Variants in FLVCR1 observed in about 807,000 individuals in gnomAD.
The protein encoded by FLVCR1 is FLVCR choline and heme transporter 1, also known as choline/ethanolamine transporter FLVCR1.
Under a neutral mutation model 53.6 loss-of-function variants are expected in FLVCR1, and 34 were observed. The ratio of observed to expected loss-of-function variants is 0.63; its 90% CI spans 0.48 to 0.84. The LOEUF (loss-of-function observed/expected upper bound fraction) is 0.84, where lower values mean the gene tolerates loss of function less well. Ranked by LOEUF, FLVCR1 falls within the 40% of genes least tolerant of loss-of-function variation. The pLI is 0.00. For synonymous variants in FLVCR1, 300 were observed against 286.3 expected, an observed-to-expected ratio of 1.05 and a Z score of -0.48; for missense variants, 677 against 696.7, an observed-to-expected ratio of 0.97 and a Z score of 0.32.
chr1:212,895,937 C>G lies in FLVCR1; in HGVS notation c.*647C>G, dbSNP rs1243129850. On this transcript the variant is annotated 3_prime_UTR_variant, in exon 10 of 10. Coordinates refer to ENST00000366971, the MANE Select transcript of FLVCR1 (RefSeq NM_014053.4). ...GCAGTCAATGGCTATAAAAACTATT[C>G]TGTGTACAGATTCTACCCAGACTTT... The G allele has an allele frequency of 6.5e-6, 1 of 153,310 alleles. No individual in the cohort carries two copies. Among genetic ancestry groups the G allele is most frequent in the Admixed American group, 6.5e-5 (1 of 15,464 alleles). 9.5% of individuals were successfully genotyped at this position (153,310 alleles called of 1,614,324 possible).
chr1:212,859,252 G>T (rs1390801027), intron 1 of FLVCR1, 62 bp downstream of exon 1: 3 of 1,608,608 alleles, frequency 1.9e-6, no homozygotes, highest in East Asian at 2.2e-5. Flanking sequence ...GTCATAGGCC[G>T]TGAGAACTAT....
At chr1:212,883,612 A>G (rs1048230870) in intron 4 of FLVCR1, among the ~76,000 whole-genome samples, 174 bp downstream of exon 4, 1 of 152,218 alleles carries the variant, frequency 6.6e-6, no homozygotes, top group Non-Finnish European at 1.5e-5. Context: ...ACAACTTTAT[A>G]TATCTAATTG....
rs1184401859 is a variant in FLVCR1, at chr1:212,872,658, C to A, written c.884-20C>A. ...GTATATATATTAAATATACATAATC[C>A]TTTTCGTGTATATTCTCAGCCTTCA... is the stretch of plus-strand genomic sequence containing the variant. On this transcript the variant is annotated intron_variant, in intron 2 of 9. Transcript: ENST00000366971. The A allele has an allele frequency of 4.5e-6, 7 of 1,568,382 alleles. No individual in the cohort carries two copies. The African/African-American group carries it at 8.1e-5, about 18-fold the overall frequency.
intron 3 of FLVCR1, among the ~76,000 whole-genome samples, chr1:212,876,377 T>G (rs1042763542): frequency 8.6e-5 from 13 of 151,810 alleles, no homozygotes; most frequent in African/African-American, 3.1e-4. Context: ...CATTTCTTTT[T>G]TTTTTTTTTG....
At chr1:212,866,800 CTT>C (rs1327415439) in intron 2 of FLVCR1, among the ~76,000 whole-genome samples, 1 of 152,152 alleles carries the variant, frequency 6.6e-6, no homozygotes, top group Non-Finnish European at 1.5e-5. Flanking sequence ...AACAAAGGCT[CTT>C]TGTCAACTTT....
Position 212,865,320 on chromosome 1 carries a change from C to T in FLVCR1, c.883+1451C>T, listed in dbSNP as rs149537282. On this transcript the variant is annotated intron_variant, in intron 2 of 9. Coordinates refer to ENST00000366971, the MANE Select transcript of FLVCR1 (RefSeq NM_014053.4). ...ATAGGTCCCGGTGTGTGATGTTCCCCTTCCAGTGTCCATGTGTTCTCATTG... is the reference window on the plus strand; with the variant it reads ...ATAGGTCCCGGTGTGTGATGTTCCCTTTCCAGTGTCCATGTGTTCTCATTG... Among the ~76,000 whole-genome samples, 124 of 149,680 alleles carry T rather than the reference C, an allele frequency of 8.3e-4. 3 individuals are homozygous for T. In the East Asian group the frequency reaches 0.021, roughly 26 times the overall value.
intron 3 of FLVCR1, among the ~76,000 whole-genome samples, chr1:212,874,756 T>C (rs1274950697): frequency 6.6e-6 from 1 of 152,062 alleles, no homozygotes; most frequent in East Asian, 1.9e-4. Context: ...CTCAAACTCC[T>C]GACCTTGTGA....
intron 1 of FLVCR1, 80 bp from the exon 2 acceptor site, chr1:212,863,645 C>A: frequency 8.1e-7 from 1 of 1,231,038 alleles, no homozygotes; most frequent in Non-Finnish European, 1.2e-6. Flanking sequence ...ACTAGCTGTC[C>A]TCTTTATGTT....
intron 2 of FLVCR1, among the ~76,000 whole-genome samples, chr1:212,865,485 A>ATTTTTTTTTTTTTTTTTTTTTTTT (rs58544929): frequency 1.5e-5 from 2 of 133,656 alleles, no homozygotes; most frequent in African/African-American, 3.0e-5. Flanking sequence ...TGCAATAGGG[A>ATTTTTTTTTTTTTTTTTTTTTTTT]TTTTTTTTTT....
rs1665336456 is a variant in FLVCR1, at chr1:212,896,407, A to G, written c.*1117A>G. 6.6e-6 allele frequency: 1 copy of G among 152,094 alleles called. No homozygotes were observed. The highest frequency in any genetic ancestry group is 1.5e-5 in the Non-Finnish European group (1 of 68,026). 9.4% of individuals were successfully genotyped at this position (152,094 alleles called of 1,614,324 possible). A position where few individuals can be genotyped will look rare whatever the true frequency, so the allele number is the denominator to read the frequency against. On this transcript the variant is annotated 3_prime_UTR_variant, in exon 10 of 10. Transcript: ENST00000366971. The stretch of plus-strand genomic sequence containing the variant: ...CTCTATCAGTGTGCCGGGAGAGTGG[A>G]TTCTTTTCTTCACTGCAGAGTCATC...
At chr1:212,870,551 A>G (rs1467032904) in intron 2 of FLVCR1, among the ~76,000 whole-genome samples, 1 of 152,106 alleles carries the variant, frequency 6.6e-6, no homozygotes, top group African/African-American at 2.4e-5. Flanking sequence ...TCCAGTTGCT[A>G]GGTCCATCAG....
intron 3 of FLVCR1, among the ~76,000 whole-genome samples, chr1:212,875,906 T>C (rs1664741467): frequency 6.6e-6 from 1 of 151,644 alleles, no homozygotes; most frequent in African/African-American, 2.4e-5. Flanking sequence ...ATCTCGGTTT[T>C]ATTGGTCTCT....
At chr1:212,863,689 T>G (rs1447709778) in intron 1 of FLVCR1, 36 bp from the exon 2 acceptor site, 1 of 1,607,932 alleles carries the variant, frequency 6.2e-7, no homozygotes, top group Non-Finnish European at 8.5e-7. Context: ...TTTTCTCTAA[T>G]GATAATAGCT....
rs774614268 is a variant in FLVCR1 at position 212,896,855 on chromosome 1, T to TAAAAAAAAA, written c.*1590_*1598dup. On this transcript the variant is annotated 3_prime_UTR_variant, in exon 10 of 10. Transcript: ENST00000366971. ...CAACATGGTAAAACCCCATCTCTAC[T>TAAAAAAAAA]AAAAAAAAAAAAAAAAAAAAAAAAA... is the stretch of plus-strand genomic sequence containing the variant. 9.9e-4 allele frequency: 17 copies of TAAAAAAAAA among 17,110 alleles called. 2 individuals are homozygous for TAAAAAAAAA. The highest frequency in any genetic ancestry group is 2.6e-3 in the African/African-American group (16 of 6,134). The allele number at this position is 17,110 out of a possible 1,614,324, so 1.1% of individuals were successfully genotyped here. A position where few individuals can be genotyped will look rare whatever the true frequency, so the allele number is the denominator to read the frequency against.
Position 212,883,405 on chromosome 1 carries a change from G to T in FLVCR1, c.1059G>T (p.Thr353=). ...IMTGAFYSVS[T]LLNQMILTYY... ...CTGGTGCCTTTTATTCAGTCTCAAC[G>T]TTATTAAATCAAATGATATTGACAT... The change falls in exon 4 of 10, where the codon ACG becomes ACT. Residue 353 remains threonine, a synonymous_variant. Coordinates refer to ENST00000366971, the MANE Select transcript of FLVCR1 (RefSeq NM_014053.4). 1 of 1,582,104 alleles carries T rather than the reference G, an allele frequency of 6.3e-7. No individual in the cohort carries two copies. The highest frequency in any genetic ancestry group is 8.7e-7 in the Non-Finnish European group (1 of 1,153,260).
chr1:212,897,469 C>G lies in FLVCR1; in HGVS notation c.*2179C>G, dbSNP rs1429672647. 6.6e-6 allele frequency: 1 copy of G among 151,984 alleles called. No individual in the cohort carries two copies. The highest frequency in any genetic ancestry group is 2.4e-5 in the African/African-American group (1 of 41,370). The allele number at this position is 151,984 out of a possible 1,614,324, so 9.4% of individuals were successfully genotyped here. On this transcript the variant is annotated 3_prime_UTR_variant, in exon 10 of 10. Transcript: ENST00000366971. ...CCTGGAAGGCGGAGGCTACAGTGAG[C>G]TGAGATTGCGCCACTGCACTCCAGC...
intron 2 of FLVCR1, among the ~76,000 whole-genome samples, chr1:212,865,445 A>G (rs926088759): frequency 1.3e-5 from 2 of 151,748 alleles, no homozygotes; most frequent in East Asian, 1.9e-4. Flanking sequence ...TGAAATAGGA[A>G]ATACATTTTG....
intron 8 of FLVCR1, among the ~76,000 whole-genome samples, chr1:212,893,310 C>G (rs1239470528): frequency 2.0e-5 from 3 of 152,144 alleles, no homozygotes; most frequent in Non-Finnish European, 4.4e-5. Flanking sequence ...CTGCCTCGGC[C>G]TCCCAAAGTG....
intron 2 of FLVCR1, among the ~76,000 whole-genome samples, chr1:212,867,594 A>G (rs988109979): frequency 6.6e-6 from 1 of 152,206 alleles, no homozygotes; most frequent in Non-Finnish European, 1.5e-5. Context: ...GTTCGAATTC[A>G]GATTCTTGCA....
Sources: allele counts gnomAD v4.1 joint callset (sites outside exome capture counted in the v4.1 genomes callset), GRCh38; gene constraint gnomAD v4.1.1; transcripts MANE v1.5; gene names NCBI Gene and HGNC (gene_info 2026-07-23, HGNC 2026-07-21).